Variants in RNF2 observed in about 807,000 individuals in gnomAD.
RNF2 encodes the protein E3 ubiquitin-protein ligase RING2.
Under a neutral mutation model 37.2 loss-of-function variants are expected in RNF2, and 6 were observed. The ratio of observed to expected loss-of-function variants is 0.16; its 90% CI spans 0.09 to 0.32. RNF2 has a LOEUF of 0.32. Among genes scored for constraint, RNF2 ranks in the 10% least tolerant of loss-of-function variants. RNF2 has a pLI of 1.00. For missense variants in RNF2, 251 were observed against 404.0 expected, an observed-to-expected ratio of 0.62 and a Z score of 3.25; for synonymous variants, 133 against 132.7, an observed-to-expected ratio of 1.00 and a Z score of -0.02.
At chr1:185,077,268 TCCCA>T (rs1651195271) in intron 1 of RNF2, among the ~76,000 whole-genome samples, 1 of 152,062 alleles carries the variant, frequency 6.6e-6, no homozygotes, top group African/African-American at 2.4e-5. Context: ...CACTTCCTTT[TCCCA>T]TGTTCCTCTC....
intron 1 of RNF2, among the ~76,000 whole-genome samples, chr1:185,080,947 C>T (rs1315304319): frequency 6.6e-6 from 1 of 152,176 alleles, no homozygotes; most frequent in Non-Finnish European, 1.5e-5. Context: ...CAGGTTGGGA[C>T]ATGGGTTAGC....
At position 185,091,743 on chromosome 1, in the gene RNF2, T is replaced by C. The variant is rs1437694214; in HGVS notation, c.248+4T>C. ...TCATCACAGCCCTTAGAAGTGGGTA[T>C]GTTGAAAAGAGTTGTTATACTAGGT... is the stretch of plus-strand genomic sequence containing the variant. On this transcript the variant is annotated splice_donor_region_variant and intron_variant, in intron 3 of 6. Coordinates refer to ENST00000367510, the MANE Select transcript of RNF2 (RefSeq NM_007212.4). The C allele has an allele frequency of 6.2e-7, 1 of 1,613,192 alleles. No homozygotes were observed. The highest frequency in any genetic ancestry group is 1.1e-5 in the South Asian group (1 of 90,922).
intron 1 of RNF2, among the ~76,000 whole-genome samples, chr1:185,084,402 GAGA>G (rs1194765183): frequency 1.3e-5 from 2 of 152,174 alleles, no homozygotes; most frequent in African/African-American, 2.4e-5. Flanking sequence ...GGAGGGAATA[GAGA>G]AGAACAAAAG....
At chr1:185,091,924 T>G (rs1651775160) in intron 3 of RNF2, 185 bp downstream of exon 3, 2 of 492,932 alleles carry the variant, frequency 4.1e-6, no homozygotes, top group Non-Finnish European at 7.0e-6. Context: ...CAAGCGATTC[T>G]CCTGCCTCAG....
rs558072697 is a variant in RNF2 at position 185,101,348 on chromosome 1, T to C, written c.*1047T>C. The C allele has an allele frequency of 1.3e-5, 2 of 152,710 alleles. No individual in the cohort carries two copies. Among genetic ancestry groups the C allele is most frequent in the African/African-American group, 4.8e-5 (2 of 41,574 alleles). 9.5% of individuals were successfully genotyped at this position (152,710 alleles called of 1,614,324 possible). On this transcript the variant is annotated 3_prime_UTR_variant, in exon 7 of 7. Transcript: ENST00000367510. ...GTTTATAAATTTGGCGCTCTTTTAA[T>C]TACACTCTGTAGAAGGTTAATAGAG...
At chr1:185,051,302 T>C (rs972372270) in intron 1 of RNF2, among the ~76,000 whole-genome samples, 2 of 152,182 alleles carry the variant, frequency 1.3e-5, no homozygotes, top group Non-Finnish European at 2.9e-5. Flanking sequence ...AGGGGTAGTA[T>C]TGTGTATAGT....
rs1381552864 is a variant in RNF2, at chr1:185,087,557, T to TCTC, written c.5_7dup (p.Ser2_Gln3insPro). 1 of 1,613,866 alleles carries TCTC rather than the reference T, an allele frequency of 6.2e-7. No homozygotes were observed. The highest frequency in any genetic ancestry group is 8.5e-7 in the Non-Finnish European group (1 of 1,179,862). On this transcript the variant is annotated inframe_insertion, in exon 2 of 7. Transcript: ENST00000367510. ...TCTCTCTTCTTTATTTCCAGCAATG[T>TCTC]CTCAGGCTGTGCAGACAAACGGAAC... is the stretch of plus-strand genomic sequence containing the variant.
intron 1 of RNF2, among the ~76,000 whole-genome samples, chr1:185,057,801 A>AG (rs766107729): frequency 1.2e-4 from 17 of 144,346 alleles, no homozygotes; most frequent in South Asian, 2.2e-4. Context: ...ATTACTCTAA[A>AG]GGGGAAAAAA....
intron 1 of RNF2, among the ~76,000 whole-genome samples, chr1:185,053,715 C>G (rs1213507380): frequency 6.6e-6 from 1 of 152,116 alleles, no homozygotes; most frequent in Non-Finnish European, 1.5e-5. Context: ...ATTTTAATTA[C>G]TGTTGATTTC....
intron 4 of RNF2, among the ~76,000 whole-genome samples, chr1:185,093,814 C>T (rs1255024889): frequency 3.9e-5 from 6 of 152,294 alleles, no homozygotes; most frequent in South Asian, 4.2e-4. Context: ...CTTTTTATTT[C>T]AATTTCCCCA....
intron 1 of RNF2, among the ~76,000 whole-genome samples, chr1:185,062,484 T>C (rs904735747): frequency 2.0e-5 from 3 of 152,102 alleles, no homozygotes; most frequent in Admixed American, 6.5e-5. Context: ...AACAATGATG[T>C]TGGGAAACTT....
At position 185,061,443 on chromosome 1, in the gene RNF2, A is replaced by G. The variant is rs186311874; in HGVS notation, c.-3+15794A>G. Among the ~76,000 whole-genome samples the G allele has an allele frequency of 3.8e-3, 583 of 152,174 alleles. 2 individuals carry two copies. Among genetic ancestry groups the G allele is most frequent in the African/African-American group, 0.013 (560 of 41,534 alleles). On this transcript the variant is annotated intron_variant, in intron 1 of 6. Coordinates refer to ENST00000367510, the MANE Select transcript of RNF2 (RefSeq NM_007212.4). ...ACCAACCCACCAAACAAAAAAAAACACACAAGATCACAAAACCCCGAATGT... is the reference window on the plus strand; with the variant it reads ...ACCAACCCACCAAACAAAAAAAAACGCACAAGATCACAAAACCCCGAATGT...
intron 3 of RNF2, chr1:185,091,980 AG>A: frequency 1.0e-5 from 3 of 297,278 alleles, no homozygotes; most frequent in Non-Finnish European, 1.8e-5. Context: ...GTGGCCGGCT[AG>A]TTTTTTTTTT....
In RNF2 at chr1:185,053,221, C is replaced by T. The variant is rs547255442; in HGVS notation, c.-3+7572C>T. 1.5e-4 allele frequency among the ~76,000 whole-genome samples: 23 copies of T among 152,308 alleles called. No individual in the cohort carries two copies. In the South Asian group the frequency reaches 4.6e-3, roughly 30 times the overall value. ...GTTATTATTCCCATAAAAAAATCCC[C>T]TTCATAGTCTCCCCACATTCCATGC... On this transcript the variant is annotated intron_variant, in intron 1 of 6. Coordinates refer to ENST00000367510, the MANE Select transcript of RNF2 (RefSeq NM_007212.4).
rs35586940 is a variant in RNF2, at chr1:185,088,556, C to CAA, written c.87+928_87+929dup. 1.1e-3 allele frequency among the ~76,000 whole-genome samples: 140 copies of CAA among 130,184 alleles called. 1 individual carries two copies. The East Asian group carries it at 0.023, about 22-fold the overall frequency. 85.4% of individuals were successfully genotyped at this position (130,184 alleles called of 152,430 possible). ...GGGCGACAAGAACGAAACTCCGTCT[C>CAA]AAAAAAAAAAAAAGCTAAAGGAAGT... On this transcript the variant is annotated intron_variant, in intron 2 of 6. Transcript: ENST00000367510.
intron 1 of RNF2, among the ~76,000 whole-genome samples, chr1:185,084,292 C>A (rs555044499): frequency 2.0e-4 from 31 of 152,236 alleles, no homozygotes; most frequent in African/African-American, 7.5e-4. Flanking sequence ...TGTTGGCTTA[C>A]CACTCGAATC....
At chr1:185,063,860 C>A (rs1334164042) in intron 1 of RNF2, among the ~76,000 whole-genome samples, 1 of 152,216 alleles carries the variant, frequency 6.6e-6, no homozygotes, top group Non-Finnish European at 1.5e-5. Context: ...CCCTGGCCTA[C>A]TTCATCACAG....
At chr1:185,072,259 T>A (rs1297377120) in intron 1 of RNF2, among the ~76,000 whole-genome samples, 1 of 152,088 alleles carries the variant, frequency 6.6e-6, no homozygotes, top group Non-Finnish European at 1.5e-5. Context: ...TTTTTGGTTA[T>A]TTTTTTAGGC....
intron 5 of RNF2, 102 bp from the exon 6 acceptor site, chr1:185,099,689 A>AT: frequency 2.1e-6 from 2 of 957,268 alleles, no homozygotes; most frequent in Non-Finnish European, 3.2e-6. Flanking sequence ...AGACATTGCC[A>AT]TTTTACTTAG....
Sources: gnomAD v4.1 joint callset for allele counts (sites outside exome capture counted in the v4.1 genomes callset) on GRCh38, gnomAD v4.1.1 for gene constraint, MANE v1.5 for transcripts, NCBI Gene and HGNC (gene_info 2026-07-23, HGNC 2026-07-21) for gene names.